Variants in CDH4 observed in about 807,000 individuals in gnomAD.
The protein encoded by CDH4 is cadherin 4, also known as cadherin-4.
A neutral mutation model predicts 86.0 loss-of-function variants in CDH4; 33 were observed. That is an observed-to-expected ratio of 0.38 (90% confidence interval 0.29 to 0.51). The LOEUF is 0.51. Among genes scored for constraint, CDH4 ranks in the 20% least tolerant of loss-of-function variants. CDH4 has a pLI of 0.86. For missense variants in CDH4, 1,114 were observed against 1,307.4 expected (o/e 0.85, Z 2.28); for synonymous variants, 555 against 549.4 (o/e 1.01, Z -0.14).
chr20:61,925,666 T>C (rs1367611553), intron 11 of CDH4, among the ~76,000 whole-genome samples: 1 of 152,224 alleles, frequency 6.6e-6, no homozygotes, highest in Non-Finnish European at 1.5e-5. Context: ...CAGTGAATAC[T>C]GATGGAGGAA....
intron 2 of CDH4, among the ~76,000 whole-genome samples, chr20:61,563,494 GACACATTCACACTC>G (rs1015089219): frequency 2.4e-4 from 37 of 152,272 alleles, no homozygotes; most frequent in African/African-American, 8.9e-4. Flanking sequence ...CTTTTGGGCC[GACACATTCACACTC>G]AGCAGGGGTG....
At chr20:61,627,047 G>T (rs932165895) in intron 2 of CDH4, among the ~76,000 whole-genome samples, 31 of 152,194 alleles carry the variant, frequency 2.0e-4, no homozygotes, top group African/African-American at 6.8e-4. Flanking sequence ...TAGGGGAAAA[G>T]AGTCAGAAGA....
intron 4 of CDH4, among the ~76,000 whole-genome samples, chr20:61,797,814 G>A (rs915428489): frequency 2.7e-4 from 41 of 152,200 alleles, no homozygotes; most frequent in African/African-American, 9.4e-4. Flanking sequence ...ACAAATGTCC[G>A]GCCAGGCCTC....
intron 2 of CDH4, among the ~76,000 whole-genome samples, chr20:61,488,461 G>T (rs187166820): frequency 6.6e-6 from 1 of 152,190 alleles, no homozygotes; most frequent in Non-Finnish European, 1.5e-5. Flanking sequence ...GGCATCCCAC[G>T]GTGGTGATTG....
intron 4 of CDH4, among the ~76,000 whole-genome samples, chr20:61,841,713 A>G (rs1284080285): frequency 6.6e-6 from 1 of 151,860 alleles, no homozygotes; most frequent in African/African-American, 2.4e-5. Flanking sequence ...GGGAACAAAG[A>G]CGCTCCTCAC....
intron 2 of CDH4, among the ~76,000 whole-genome samples, chr20:61,594,881 C>T (rs1461636398): frequency 6.6e-6 from 1 of 152,248 alleles, no homozygotes; most frequent in Admixed American, 6.5e-5. Context: ...CAGGGCTTTA[C>T]TTTCATTATC....
chr20:61,769,270 T>A (rs1273192556), intron 3 of CDH4, among the ~76,000 whole-genome samples: 1 of 152,156 alleles, frequency 6.6e-6, no homozygotes, highest in Non-Finnish European at 1.5e-5. Flanking sequence ...ACCCCAGAGT[T>A]GTTAAGTCTT....
Position 61,475,012 on chromosome 20 carries a change from A to C in CDH4, c.169+220075A>C, listed in dbSNP as rs543190369. ...AATATTAAAAGACCCAAAGCAAATA[A>C]AACAAGAGCAGTATCTATTCAGTTT... On this transcript the variant is annotated intron_variant, in intron 2 of 15. Transcript: ENST00000614565. 9.2e-5 allele frequency among the ~76,000 whole-genome samples: 14 copies of C among 152,366 alleles called. No homozygotes were observed. In the East Asian group the frequency reaches 2.7e-3, roughly 29 times the overall value.
intron 13 of CDH4, among the ~76,000 whole-genome samples, chr20:61,932,304 G>A (rs1217296684): frequency 6.6e-5 from 10 of 152,182 alleles, no homozygotes; most frequent in Non-Finnish European, 1.2e-4. Flanking sequence ...AGAGGAGGGC[G>A]AGCTTGTAAA....
At chr20:61,448,512 TG>T (rs1400149943) in intron 2 of CDH4, among the ~76,000 whole-genome samples, 1 of 152,098 alleles carries the variant, frequency 6.6e-6, no homozygotes, top group Non-Finnish European at 1.5e-5. Context: ...CCATTTGTGT[TG>T]GGGGTTTTGT....
At chr20:61,539,771 G>T (rs1037689217) in intron 2 of CDH4, among the ~76,000 whole-genome samples, 1 of 152,250 alleles carries the variant, frequency 6.6e-6, no homozygotes, top group African/African-American at 2.4e-5. Flanking sequence ...ACGAGAGGGA[G>T]CAGAGCAGGG....
intron 2 of CDH4, among the ~76,000 whole-genome samples, chr20:61,504,134 C>T (rs1255770828): frequency 6.6e-6 from 1 of 152,218 alleles, no homozygotes; most frequent in Admixed American, 6.5e-5. Flanking sequence ...CCTTCAGGAT[C>T]TCAGAGCTCT....
intron 2 of CDH4, among the ~76,000 whole-genome samples, chr20:61,261,653 A>G (rs1261059245): frequency 6.6e-6 from 1 of 152,090 alleles, no homozygotes; most frequent in African/African-American, 2.4e-5. Flanking sequence ...GCTCATTCCT[A>G]TCTCCAAATT....
At position 61,685,089 on chromosome 20, in the gene CDH4, C is replaced by T. The variant is rs77970745; in HGVS notation, c.170-58474C>T. The stretch of plus-strand genomic sequence containing the variant: ...TACCCATAAGACAGCCACTCCCATT[C>T]CCTGCCCCATCCCAACAGCCACAAA... On this transcript the variant is annotated intron_variant, in intron 2 of 15. Transcript: ENST00000614565. Among the ~76,000 whole-genome samples the T allele has an allele frequency of 1.9e-3, 283 of 152,306 alleles. 10 individuals carry two copies. In the East Asian group the frequency reaches 0.047, roughly 26 times the overall value.
At chr20:61,783,366 A>G (rs1056269076) in intron 4 of CDH4, among the ~76,000 whole-genome samples, 3 of 152,252 alleles carry the variant, frequency 2.0e-5, no homozygotes, top group Non-Finnish European at 4.4e-5. Context: ...CATGTTTTCT[A>G]GATAAAAACA....
intron 2 of CDH4, among the ~76,000 whole-genome samples, chr20:61,654,642 G>A (rs1376443360): frequency 6.6e-6 from 1 of 152,132 alleles, no homozygotes; most frequent in Non-Finnish European, 1.5e-5. Flanking sequence ...GGTTCGTTTG[G>A]CATCAAAAAC....
chr20:61,369,955 A>G (rs967611619), intron 2 of CDH4: 2 of 152,502 alleles, frequency 1.3e-5, no homozygotes, highest in African/African-American at 2.4e-5. Context: ...CAGCAGAGGT[A>G]GGCAGCATGG....
chr20:61,928,380 C>G lies in CDH4; in HGVS notation c.1962C>G (p.Val654=). Residue 654 remains valine, a synonymous_variant, in exon 12 of 16, where the codon GTC becomes GTG. Transcript: ENST00000614565. The part of the protein sequence containing the change: ...IGPYVFELPF[V]PAAVRKNWTI... ...CCTACGTCTTCGAGCTGCCCTTTGT[C>G]CCGGCGGCCGTGCGGAAGAACTGGA... 1.2e-6 allele frequency: 2 copies of G among 1,611,934 alleles called. No individual in the cohort carries two copies. The highest frequency in any genetic ancestry group is 8.5e-7 in the Non-Finnish European group (1 of 1,180,002).
chr20:61,826,405 C>T (rs1409892698), intron 4 of CDH4, among the ~76,000 whole-genome samples: 1 of 152,244 alleles, frequency 6.6e-6, no homozygotes, highest in African/African-American at 2.4e-5. Flanking sequence ...TGGCTTGTCT[C>T]CTTACTCCAT....
Sources: allele counts gnomAD v4.1 joint callset (sites outside exome capture counted in the v4.1 genomes callset), GRCh38; gene constraint gnomAD v4.1.1; transcripts MANE v1.5; gene names NCBI Gene and HGNC (gene_info 2026-07-23, HGNC 2026-07-21).